The following PLIN1 variants were observed in gnomAD, a reference collection of about 807,000 sequenced individuals.
PLIN1 encodes perilipin 1.
Under a neutral mutation model 45.8 loss-of-function variants are expected in PLIN1, and 37 were observed. The observed-to-expected ratio is 0.81, with a 90% confidence interval of 0.62 to 1.06. The LOEUF is 1.06. Among genes scored for constraint, PLIN1 ranks in the 50% least tolerant of loss-of-function variants. The pLI, the probability that PLIN1 is intolerant of heterozygous loss-of-function variation, is 0.00. For missense variants in PLIN1, 776 were observed against 716.5 expected (o/e 1.08, Z -0.95); for synonymous variants, 340 against 309.2 (o/e 1.10, Z -1.05).
In PLIN1 at chr15:89,664,589, G is replaced by GT; in HGVS notation, c.*993dup. The GT allele has an allele frequency of 3.8e-6, 1 of 260,974 alleles. No homozygotes were observed. Among genetic ancestry groups the GT allele is most frequent in the South Asian group, 3.9e-5 (1 of 25,590 alleles). The allele number at this position is 260,974 out of a possible 1,614,324, so 16.2% of individuals were successfully genotyped here. A position where few individuals can be genotyped will look rare whatever the true frequency, so the allele number is the denominator to read the frequency against. On this transcript the variant is annotated 3_prime_UTR_variant, in exon 9 of 9. Transcript: ENST00000300055. The stretch of plus-strand genomic sequence containing the variant: ...TATTAAGTGAAAAAAGCAGGCATGC[G>GT]TAACACCCCACAGCTTGTGTAAACA...
At chr15:89,669,226 G>A (rs1357088707) in intron 6 of PLIN1, among the ~76,000 whole-genome samples, 1 of 152,016 alleles carries the variant, frequency 6.6e-6, no homozygotes, top group Non-Finnish European at 1.5e-5. Context: ...AGACTCAGAG[G>A]GAAATGGGGG....
Position 89,665,522 on chromosome 15 carries a change from G to C in PLIN1, c.*61C>G. ...GTGGCAACGCTCGCCTGGGCAGTGC[G>C]GGTTCTGTTTATTTGTTAGAGAAAC... is the stretch of plus-strand genomic sequence containing the variant. On this transcript the variant is annotated 3_prime_UTR_variant, in exon 9 of 9. Transcript: ENST00000300055. The C allele has an allele frequency of 1.3e-6, 2 of 1,499,828 alleles. No homozygotes were observed. The allele number at this position is 1,499,828 out of a possible 1,614,324, so 92.9% of individuals were successfully genotyped here.
rs1693959717 is a variant in PLIN1, at chr15:89,665,801, G to A, written c.1351C>T (p.Gln451Ter). The change falls in exon 9 of 9, where the codon CAG becomes TAG. Residue 451 changes from glutamine (Q) to a stop codon, truncating the protein, a stop_gained. Transcript: ENST00000300055. LOFTEE classifies it low-confidence loss of function (END_TRUNC). ...GCGCTGCGCAGGCTGCGGCGGGGCT[G>A]TGCGAGACGCGGGGCGGGCTCCGGG... Reference protein sequence around the residue: ...AGPEPAPRLAQPRRSLRSAQS... With the variant: ...AGPEPAPRLA The A allele has an allele frequency of 4.4e-6, 6 of 1,350,342 alleles. No individual in the cohort carries two copies. The highest frequency in any genetic ancestry group is 1.5e-5 in the African/African-American group (1 of 65,536). The allele number at this position is 1,350,342 out of a possible 1,614,324, so 83.6% of individuals were successfully genotyped here. A position where few individuals can be genotyped will look rare whatever the true frequency, so the allele number is the denominator to read the frequency against.
At chr15:89,673,472 G>A in intron 2 of PLIN1, 58 bp from the exon 3 acceptor site, 4 of 1,413,234 alleles carry the variant, frequency 2.8e-6, no homozygotes, top group Non-Finnish European at 3.9e-6. Context: ...CTCCCGGGAA[G>A]CTGACCCCGG....
intron 4 of PLIN1, among the ~76,000 whole-genome samples, chr15:89,670,746 C>T (rs960457432): frequency 6.6e-6 from 1 of 152,214 alleles, no homozygotes; most frequent in African/African-American, 2.4e-5. Flanking sequence ...GGTCTCACAG[C>T]TGAATAGACC....
In PLIN1 at chr15:89,665,140, G is replaced by C; in HGVS notation, c.*443C>G. ...TCATCCTAGATCACAGAGGAGTTCA[G>C]TGCTAAGAATGTGTCAAAACCTTCT... On this transcript the variant is annotated 3_prime_UTR_variant, in exon 9 of 9. Coordinates refer to ENST00000300055, the MANE Select transcript of PLIN1 (RefSeq NM_002666.5). 3.4e-6 allele frequency: 1 copy of C among 294,784 alleles called. No homozygotes were observed. Among genetic ancestry groups the C allele is most frequent in the South Asian group, 2.9e-5 (1 of 34,314 alleles). The allele number at this position is 294,784 out of a possible 1,614,324, so 18.3% of individuals were successfully genotyped here.
chr15:89,665,957 G>A lies in PLIN1; in HGVS notation c.1210-15C>T, dbSNP rs1198123756. 6.8e-7 allele frequency: 1 copy of A among 1,481,026 alleles called. No homozygotes were observed. The highest frequency in any genetic ancestry group is 2.8e-5 in the East Asian group (1 of 36,112). 91.7% of individuals were successfully genotyped at this position (1,481,026 alleles called of 1,614,324 possible). A position where few individuals can be genotyped will look rare whatever the true frequency, so the allele number is the denominator to read the frequency against. ...AGCCTGGGGAGCTGAGGGCCCGGCA[G>A]CCGCCTTAGAGTCCTGGCTTGGCCC... On this transcript the variant is annotated splice_polypyrimidine_tract_variant and intron_variant, in intron 8 of 8. Transcript: ENST00000300055.
chr15:89,667,302 T>G, intron 7 of PLIN1, 121 bp from the exon 8 acceptor site: 22 of 1,278,948 alleles, frequency 1.7e-5, no homozygotes, highest in Non-Finnish European at 2.3e-5. Flanking sequence ...TTCAGGCCTA[T>G]TCTGCCACTA....
At chr15:89,677,689 C>T in intron 1 of PLIN1, 186 bp from the exon 2 acceptor site, 1 of 662,136 alleles carries the variant, frequency 1.5e-6, no homozygotes, top group Non-Finnish European at 2.7e-6. Flanking sequence ...GGTCCCATAG[C>T]AATGAGTTGC....
In PLIN1 at chr15:89,671,494, G is replaced by A; in HGVS notation, c.321C>T (p.Tyr107=). 2 of 1,570,638 alleles carry A rather than the reference G, an allele frequency of 1.3e-6. No individual in the cohort carries two copies. The highest frequency in any genetic ancestry group is 1.7e-6 in the Non-Finnish European group (2 of 1,156,852). Residue 107 remains tyrosine (Y), a synonymous_variant, in exon 4 of 9, where the codon TAC becomes TAT. Transcript: ENST00000300055. ...HLEEKIPALQ[Y]PPEKIASELK... is the part of the protein sequence containing the mutation. Reference sequence around the variant, plus strand: ...GGGAAGGGCTCACCTTTTCAGGGGGGTACTGGAGGGCGGGGATCTTTTCCT... The same window carrying A: ...GGGAAGGGCTCACCTTTTCAGGGGGATACTGGAGGGCGGGGATCTTTTCCT...
chr15:89,671,472 A>C lies in PLIN1; in HGVS notation c.333+10T>G. The C allele has an allele frequency of 6.4e-7, 1 of 1,553,692 alleles. No individual in the cohort carries two copies. The highest frequency in any genetic ancestry group is 1.2e-5 in the South Asian group (1 of 84,522). ...GTGCAGGGAGGCTTCGAGAGGTGGG[A>C]AGGGCTCACCTTTTCAGGGGGGTAC... On this transcript the variant is annotated intron_variant, in intron 4 of 8. Transcript: ENST00000300055.
chr15:89,672,748 A>G (rs1417322884), intron 3 of PLIN1, among the ~76,000 whole-genome samples: 1 of 152,154 alleles, frequency 6.6e-6, no homozygotes, highest in Non-Finnish European at 1.5e-5. Context: ...ACCCGTCATG[A>G]GCCGCTACCA....
chr15:89,675,165 G>T (rs993221481), intron 2 of PLIN1, among the ~76,000 whole-genome samples: 1 of 152,100 alleles, frequency 6.6e-6, no homozygotes, highest in Non-Finnish European at 1.5e-5. Context: ...CTCTGGGTGC[G>T]ATCTGCACGT....
At position 89,673,286 on chromosome 15, in the gene PLIN1, A is replaced by G. The variant is rs1964466837; in HGVS notation, c.174T>C (p.Tyr58=). 2 of 1,584,650 alleles carry G rather than the reference A, an allele frequency of 1.3e-6. No homozygotes were observed. Among genetic ancestry groups the G allele is most frequent in the Non-Finnish European group, 8.6e-7 (1 of 1,164,302 alleles). The change falls in exon 3 of 9, where the codon TAT becomes TAC. Residue 58 remains tyrosine, a synonymous_variant. Transcript: ENST00000300055. ...HPLVASVCNA[Y]EKGVQSASSL... ...TACTGGCGCTCTGCACGCCCTTCTC[A>G]TAGGCATTGCACACAGAGGCCACCA... is the stretch of plus-strand genomic sequence containing the variant.
chr15:89,665,419 A>C lies in PLIN1; in HGVS notation c.*164T>G, dbSNP rs895470000. 66 of 503,832 alleles carry C rather than the reference A, an allele frequency of 1.3e-4. No homozygotes were observed. Among genetic ancestry groups the C allele is most frequent in the Non-Finnish European group, 2.1e-4 (66 of 313,518 alleles). 31.2% of individuals were successfully genotyped at this position (503,832 alleles called of 1,614,324 possible). A position where few individuals can be genotyped will look rare whatever the true frequency, so the allele number is the denominator to read the frequency against. On this transcript the variant is annotated 3_prime_UTR_variant, in exon 9 of 9. Transcript: ENST00000300055. ...CAAAAGGATGCTAAAAAAAAAATAA[A>C]AATAAAATAAAAATAAAAAGTGCGC...
chr15:89,667,874 C>A (rs1180165248), intron 6 of PLIN1, 81 bp from the exon 7 acceptor site: 1 of 1,529,868 alleles, frequency 6.5e-7, no homozygotes, highest in Non-Finnish European at 8.8e-7. Context: ...AGCCCCTCGC[C>A]CCCAGGGTCC....
rs185628110 is a variant in PLIN1 at position 89,673,186 on chromosome 15, C to A, written c.250+24G>T. On this transcript the variant is annotated intron_variant, in intron 3 of 8. Coordinates refer to ENST00000300055, the MANE Select transcript of PLIN1 (RefSeq NM_002666.5). Reference sequence around the variant, plus strand: ...AGGTAGGCAGTGAACAAGCAGGCAGCTGCTGAGCGCCGCAAGGACTCACAC... The same window carrying A: ...AGGTAGGCAGTGAACAAGCAGGCAGATGCTGAGCGCCGCAAGGACTCACAC... 10 of 1,524,146 alleles carry A rather than the reference C, an allele frequency of 6.6e-6. No homozygotes were observed. In the Admixed American group the frequency reaches 1.6e-4, roughly 24 times the overall value. The allele number at this position is 1,524,146 out of a possible 1,614,324, so 94.4% of individuals were successfully genotyped here. A position where few individuals can be genotyped will look rare whatever the true frequency, so the allele number is the denominator to read the frequency against.
chr15:89,673,539 A>G, intron 2 of PLIN1, 125 bp from the exon 3 acceptor site: 2 of 737,632 alleles, frequency 2.7e-6, no homozygotes, highest in Non-Finnish European at 4.7e-6. Context: ...GGAGGAACCA[A>G]GGCCAAAGAG....
Position 89,665,572 on chromosome 15 carries a change from G to T in PLIN1, c.*11C>A. 6.6e-7 allele frequency: 1 copy of T among 1,523,912 alleles called. No homozygotes were observed. The highest frequency in any genetic ancestry group is 8.8e-7 in the Non-Finnish European group (1 of 1,137,422). The allele number at this position is 1,523,912 out of a possible 1,614,324, so 94.4% of individuals were successfully genotyped here. The stretch of plus-strand genomic sequence containing the variant: ...CCCGCCGGCCCGGGGCGCGGCGGCT[G>T]GTGCGGCGACTCAGCTCTTCTTGCG... On this transcript the variant is annotated 3_prime_UTR_variant, in exon 9 of 9. Coordinates refer to ENST00000300055, the MANE Select transcript of PLIN1 (RefSeq NM_002666.5).
Sources: allele counts gnomAD v4.1 joint callset (sites outside exome capture counted in the v4.1 genomes callset), GRCh38; gene constraint gnomAD v4.1.1; transcripts MANE v1.5; gene names NCBI Gene and HGNC (gene_info 2026-07-23, HGNC 2026-07-21).